Variants in NCKAP5 observed in about 807,000 individuals in gnomAD.
NCKAP5 encodes NCK associated protein 5.
Under a neutral mutation model 167.0 loss-of-function variants are expected in NCKAP5, and 92 were observed. That is an observed-to-expected ratio of 0.55 (90% CI 0.47 to 0.66). The LOEUF (loss-of-function observed/expected upper bound fraction) is 0.66, where lower values mean the gene tolerates loss of function less well. Ranked by LOEUF, NCKAP5 falls within the 30% of genes least tolerant of loss-of-function variation. The pLI is 0.00. For synonymous variants in NCKAP5, 891 were observed against 877.4 expected, an observed-to-expected ratio of 1.02 and a Z score of -0.27; for missense variants, 2,378 against 2,315.0, an observed-to-expected ratio of 1.03 and a Z score of -0.56.
chr2:133,232,333 C>A, intron 4 of NCKAP5, among the ~76,000 whole-genome samples: 2 of 151,978 alleles, frequency 1.3e-5, no homozygotes, highest in African/African-American at 2.4e-5. Context: ...TTTTAAGTCA[C>A]AACAAAGAAT....
intron 3 of NCKAP5, among the ~76,000 whole-genome samples, chr2:133,341,008 C>T (rs1683541084): frequency 6.6e-6 from 1 of 152,130 alleles, no homozygotes; most frequent in Non-Finnish European, 1.5e-5. Flanking sequence ...GCTGTTCATA[C>T]ATCTTTTCAA....
At chr2:132,826,198 CATT>C (rs947285056) in intron 11 of NCKAP5, among the ~76,000 whole-genome samples, 20 of 152,162 alleles carry the variant, frequency 1.3e-4, no homozygotes, top group African/African-American at 4.6e-4. Context: ...CCAAAATAAA[CATT>C]ACATATTTAG....
At chr2:132,813,371 C>T (rs1020786507) in intron 11 of NCKAP5, among the ~76,000 whole-genome samples, 7 of 152,174 alleles carry the variant, frequency 4.6e-5, no homozygotes, top group Non-Finnish European at 7.4e-5. Context: ...TTACTCTTAC[C>T]TATGCACAGA....
At chr2:133,647,709 A>AGGAAGGAAGGAAGG in the NCKAP5 span, among the ~76,000 whole-genome samples, 1 of 24,848 alleles carries the variant, frequency 4.0e-5, no homozygotes, top group African/African-American at 1.2e-4. Context: ...AAGGAAAGAA[A>AGGAAGGAAGGAAGG]AAGAAAGGAA....
At chr2:132,796,762 G>T (rs1269208475) in intron 11 of NCKAP5, 33 bp from the exon 12 acceptor site, 3 of 1,392,882 alleles carry the variant, frequency 2.2e-6, no homozygotes, top group South Asian at 1.2e-5. Flanking sequence ...ATTGAATAGC[G>T]ATAATTTAAT....
intron 6 of NCKAP5, among the ~76,000 whole-genome samples, chr2:133,111,364 T>C (rs10184338): frequency 6.6e-6 from 1 of 151,992 alleles, no homozygotes; most frequent in African/African-American, 2.4e-5. Context: ...CTAATTACTA[T>C]AACTGTGCAT....
At chr2:132,720,684 A>T (rs977247149) in intron 19 of NCKAP5, among the ~76,000 whole-genome samples, 2 of 152,168 alleles carry the variant, frequency 1.3e-5, no homozygotes, top group Non-Finnish European at 2.9e-5. Flanking sequence ...ACCGACTGCC[A>T]CTATCAAATG....
In NCKAP5 at chr2:133,101,247, G is replaced by C. The variant is rs557523752; in HGVS notation, c.341+28731C>G. Among the ~76,000 whole-genome samples, 423 of 142,384 alleles carry C rather than the reference G, an allele frequency of 3.0e-3. 3 individuals carry two copies. The highest frequency in any genetic ancestry group is 0.011 in the African/African-American group (401 of 36,744). The allele number at this position is 142,384 out of a possible 152,430, so 93.4% of individuals were successfully genotyped here. A position where few individuals can be genotyped will look rare whatever the true frequency, so the allele number is the denominator to read the frequency against. On this transcript the variant is annotated intron_variant, in intron 6 of 19. Coordinates refer to ENST00000409261, the MANE Select transcript of NCKAP5 (RefSeq NM_207363.3). ...GCGTTATTTCTGAGGGCTCTGTTCT[G>C]TTCCATTGATCTATATCTCTGTTTT... is the stretch of plus-strand genomic sequence containing the variant.
At chr2:132,894,745 C>T (rs1693005770) in intron 8 of NCKAP5, among the ~76,000 whole-genome samples, 1 of 152,150 alleles carries the variant, frequency 6.6e-6, no homozygotes, top group African/African-American at 2.4e-5. Flanking sequence ...CCTGGCCTTG[C>T]AGCTAGTGGT....
intron 4 of NCKAP5, among the ~76,000 whole-genome samples, chr2:133,295,199 C>T (rs1202927236): frequency 6.6e-6 from 1 of 152,124 alleles, no homozygotes; most frequent in Non-Finnish European, 1.5e-5. Flanking sequence ...TCACCCAGCC[C>T]AGTACCAGTG....
chr2:133,405,443 A>G (rs1486285630), intron 3 of NCKAP5, among the ~76,000 whole-genome samples: 2 of 152,212 alleles, frequency 1.3e-5, no homozygotes, highest in South Asian at 2.1e-4. Context: ...AAGCACAAAA[A>G]TGTGAAAAAT....
chr2:133,256,367 C>T (rs1425827717), intron 4 of NCKAP5, among the ~76,000 whole-genome samples: 1 of 151,832 alleles, frequency 6.6e-6, no homozygotes, highest in African/African-American at 2.4e-5. Flanking sequence ...AATTGTGACC[C>T]CAAAATAACC....
chr2:132,860,854 T>C (rs1357259454), intron 10 of NCKAP5, among the ~76,000 whole-genome samples: 3 of 152,224 alleles, frequency 2.0e-5, no homozygotes. Flanking sequence ...TAATCTAGCA[T>C]GCTATTTTTG....
intron 6 of NCKAP5, among the ~76,000 whole-genome samples, chr2:133,120,366 T>A (rs2082212586): frequency 6.6e-6 from 1 of 152,152 alleles, no homozygotes; most frequent in Non-Finnish European, 1.5e-5. Context: ...AAATAAAGGA[T>A]CCCAAAGAAT....
At chr2:133,382,740 C>G (rs2150954235) in intron 3 of NCKAP5, among the ~76,000 whole-genome samples, 1 of 152,290 alleles carries the variant, frequency 6.6e-6, no homozygotes, top group South Asian at 2.1e-4. Context: ...AGGAGACTTT[C>G]ATCTGTTAAT....
the NCKAP5 span, among the ~76,000 whole-genome samples, chr2:133,611,802 T>C: frequency 1.3e-5 from 2 of 152,196 alleles, no homozygotes; most frequent in African/African-American, 2.4e-5. Flanking sequence ...AATCATTGTT[T>C]TCAAGTGACG....
At chr2:132,840,617 C>T (rs1321205214) in intron 11 of NCKAP5, among the ~76,000 whole-genome samples, 1 of 152,088 alleles carries the variant, frequency 6.6e-6, no homozygotes, top group East Asian at 1.9e-4. Flanking sequence ...TACTTGAGCT[C>T]ACCACAATAG....
intron 11 of NCKAP5, among the ~76,000 whole-genome samples, chr2:132,855,924 G>A (rs1236084224): frequency 6.6e-6 from 1 of 152,178 alleles, no homozygotes; most frequent in African/African-American, 2.4e-5. Flanking sequence ...CAGCACTTTA[G>A]GGGGCTGAGG....
intron 16 of NCKAP5, among the ~76,000 whole-genome samples, chr2:132,754,609 T>C (rs1680381838): frequency 6.6e-6 from 1 of 152,060 alleles, no homozygotes; most frequent in Admixed American, 6.6e-5. Flanking sequence ...AGCAGCAGAG[T>C]TGACATTTCA....
Sources: allele counts gnomAD v4.1 joint callset (sites outside exome capture counted in the v4.1 genomes callset), GRCh38; gene constraint gnomAD v4.1.1; transcripts MANE v1.5; gene names NCBI Gene and HGNC (gene_info 2026-07-23, HGNC 2026-07-21).